ANK2: variants seen among roughly 807,000 people sequenced by gnomAD.
The protein encoded by ANK2 is ankyrin-2.
Under a neutral mutation model 360.5 loss-of-function variants are expected in ANK2, and 83 were observed. The ratio of observed to expected loss-of-function variants is 0.23; its 90% confidence interval spans 0.19 to 0.28. The LOEUF (loss-of-function observed/expected upper bound fraction) is 0.28, where lower values mean the gene tolerates loss of function less well. ANK2 is among the 10% of genes least tolerant of loss of function. ANK2 has a pLI of 1.00. For synonymous variants in ANK2, 1,740 were observed against 1,759.5 expected (o/e 0.99, Z 0.28); for missense variants, 4,201 against 4,795.7 (o/e 0.88, Z 3.66).
intron 18 of ANK2, among the ~76,000 whole-genome samples, chr4:113,287,152 C>A (rs1191718912): frequency 6.6e-6 from 1 of 152,072 alleles, no homozygotes; most frequent in Non-Finnish European, 1.5e-5. Flanking sequence ...GAACTCATTT[C>A]CTGTAACTGT....
At chr4:113,310,945 A>G (rs957827850) in intron 23 of ANK2, among the ~76,000 whole-genome samples, 23 of 152,234 alleles carry the variant, frequency 1.5e-4, no homozygotes, top group African/African-American at 4.8e-4. Context: ...TGATAAATCT[A>G]TAATTAGAAT....
the ANK2 span, among the ~76,000 whole-genome samples, chr4:112,718,496 T>C: frequency 1.3e-5 from 2 of 152,148 alleles, no homozygotes; most frequent in African/African-American, 2.4e-5. Flanking sequence ...TTATTTTTCA[T>C]AGAGACATGG....
intron 1 of ANK2, among the ~76,000 whole-genome samples, chr4:112,902,621 A>G (rs984692811): frequency 6.6e-6 from 1 of 152,190 alleles, no homozygotes; most frequent in Non-Finnish European, 1.5e-5. Flanking sequence ...TCCTTTCTGA[A>G]TTTGTACTAA....
At chr4:113,036,041 C>G (rs775061972) in intron 2 of ANK2, among the ~76,000 whole-genome samples, 1 of 151,850 alleles carries the variant, frequency 6.6e-6, no homozygotes, top group Non-Finnish European at 1.5e-5. Flanking sequence ...TATTTGTTGA[C>G]CTTGAGAAAA....
chr4:112,768,958 C>A, the ANK2 span, among the ~76,000 whole-genome samples: 1 of 152,206 alleles, frequency 6.6e-6, no homozygotes, highest in African/African-American at 2.4e-5. Context: ...TACTGCCTAA[C>A]AAATCACCCC....
intron 10 of ANK2, among the ~76,000 whole-genome samples, chr4:113,252,015 T>C (rs891195014): frequency 6.6e-6 from 1 of 152,098 alleles, no homozygotes; most frequent in Non-Finnish European, 1.5e-5. Context: ...AAAGACATAC[T>C]TGAGATGAGA....
the ANK2 span, among the ~76,000 whole-genome samples, chr4:112,731,976 T>C: frequency 6.6e-6 from 1 of 152,154 alleles, no homozygotes; most frequent in Non-Finnish European, 1.5e-5. Context: ...CATAAATATT[T>C]CATATGTTGT....
intron 2 of ANK2, among the ~76,000 whole-genome samples, chr4:112,951,077 G>A (rs1343335655): frequency 3.8e-5 from 3 of 79,160 alleles, no homozygotes; most frequent in East Asian, 4.2e-4. Context: ...GCGAGCCTCC[G>A]TCTCAAAAAA....
intron 38 of ANK2, among the ~76,000 whole-genome samples, chr4:113,359,989 G>T (rs527341440): frequency 1.3e-5 from 2 of 152,254 alleles, no homozygotes; most frequent in South Asian, 2.1e-4. Context: ...GGGGATGATG[G>T]CTCTTTGACT....
intron 1 of ANK2, among the ~76,000 whole-genome samples, chr4:113,162,612 A>G (rs2097576268): frequency 6.6e-6 from 1 of 152,214 alleles, no homozygotes; most frequent in Admixed American, 6.5e-5. Context: ...AAATGTAAAT[A>G]GTAAAACAAG....
intron 1 of ANK2, among the ~76,000 whole-genome samples, chr4:112,882,486 G>A (rs1441086668): frequency 2.0e-5 from 3 of 151,966 alleles, no homozygotes; most frequent in Non-Finnish European, 4.4e-5. Flanking sequence ...TTTGAATTCT[G>A]AATGATGTTT....
intron 14 of ANK2, 140 bp downstream of exon 14, chr4:113,265,135 GAA>G: frequency 3.0e-6 from 2 of 663,030 alleles, no homozygotes; most frequent in Non-Finnish European, 4.8e-6. Context: ...CAGTTTTCCA[GAA>G]AAAAAAAAGA....
intron 1 of ANK2, among the ~76,000 whole-genome samples, chr4:113,154,963 C>T (rs1445806764): frequency 1.3e-5 from 2 of 152,116 alleles, no homozygotes; most frequent in African/African-American, 2.4e-5. Context: ...GCATTGGGAC[C>T]AGATCTATTC....
At chr4:113,148,153 G>A (rs113619436) in intron 1 of ANK2, among the ~76,000 whole-genome samples, 1,956 of 152,228 alleles carry the variant, frequency 0.013, 40 homozygotes, top group African/African-American at 0.045. Context: ...TTGATAAAGT[G>A]CTATTTAGAA....
At chr4:113,134,537 T>C (rs2096276435) in intron 1 of ANK2, among the ~76,000 whole-genome samples, 1 of 152,060 alleles carries the variant, frequency 6.6e-6, no homozygotes, top group South Asian at 2.1e-4. Context: ...AACTGAACTA[T>C]GTTCTCCTTG....
chr4:112,986,092 A>ATGC (rs369749689), intron 2 of ANK2, among the ~76,000 whole-genome samples: 2 of 86,014 alleles, frequency 2.3e-5, no homozygotes, highest in Non-Finnish European at 4.9e-5. Flanking sequence ...ATATAATCCA[A>ATGC]TATATAGTAT....
At chr4:112,714,811 A>T in the ANK2 span, among the ~76,000 whole-genome samples, 1 of 152,344 alleles carries the variant, frequency 6.6e-6, no homozygotes, top group African/African-American at 2.4e-5. Context: ...AAGGGGTATT[A>T]TATGGGTAGA....
intron 4 of ANK2, among the ~76,000 whole-genome samples, chr4:113,203,317 T>C (rs975472995): frequency 6.6e-6 from 1 of 152,174 alleles, no homozygotes; most frequent in African/African-American, 2.4e-5. Flanking sequence ...TATATTGCTA[T>C]CAAAGAAACT....
chr4:112,746,023 T>TC, the ANK2 span, among the ~76,000 whole-genome samples: 1 of 152,120 alleles, frequency 6.6e-6, no homozygotes, highest in African/African-American at 2.4e-5. Context: ...AATAATCCTG[T>TC]CCTCTCACTC....
Sources: allele counts gnomAD v4.1 joint callset (sites outside exome capture counted in the v4.1 genomes callset), GRCh38; gene constraint gnomAD v4.1.1; transcripts MANE v1.5; gene names NCBI Gene and HGNC (gene_info 2026-07-23, HGNC 2026-07-21).